STX8: variants seen among roughly 807,000 people sequenced by gnomAD.
STX8 encodes the protein syntaxin 8.
A neutral mutation model predicts 37.5 loss-of-function variants in STX8; 23 were observed. The observed-to-expected ratio is 0.61, with a 90% CI of 0.44 to 0.87. The LOEUF (loss-of-function observed/expected upper bound fraction) is 0.87, where lower values mean the gene tolerates loss of function less well. Ranked by LOEUF, STX8 falls within the 40% of genes least tolerant of loss-of-function variation. The pLI is 0.00. For synonymous variants in STX8, 115 were observed against 99.1 expected (o/e 1.16, Z -0.95); for missense variants, 313 against 284.7 (o/e 1.10, Z -0.71).
intron 7 of STX8, among the ~76,000 whole-genome samples, chr17:9,274,337 C>T (rs560326966): frequency 7.2e-5 from 11 of 152,198 alleles, no homozygotes; most frequent in African/African-American, 2.6e-4. Flanking sequence ...CTTCAAAAAA[C>T]CCAAATTCAC....
intron 6 of STX8, among the ~76,000 whole-genome samples, chr17:9,406,852 G>A (rs925732441): frequency 5.9e-5 from 9 of 151,990 alleles, no homozygotes; most frequent in Admixed American, 1.3e-4. Context: ...CATAGCTCCC[G>A]GGTCAAGTGT....
chr17:9,457,535 C>T (rs1905216601), intron 6 of STX8, among the ~76,000 whole-genome samples: 1 of 152,240 alleles, frequency 6.6e-6, no homozygotes, highest in African/African-American at 2.4e-5. Context: ...CCTTCCTTAG[C>T]ACATCTGCAA....
intron 3 of STX8, among the ~76,000 whole-genome samples, chr17:9,546,601 T>TTG (rs1453481411): frequency 5.0e-4 from 64 of 128,296 alleles, no homozygotes; most frequent in African/African-American, 1.8e-3. Flanking sequence ...GTTTTTTTTT[T>TTG]TTTTTTTTTT....
intron 7 of STX8, among the ~76,000 whole-genome samples, chr17:9,324,073 G>T (rs1360411965): frequency 6.7e-6 from 1 of 148,810 alleles, no homozygotes; most frequent in African/African-American, 2.5e-5. Flanking sequence ...CTTGCTCAAG[G>T]TCTCAGGGCA....
intron 6 of STX8, chr17:9,437,838 C>A (rs1006911819): frequency 6.6e-6 from 1 of 152,162 alleles, no homozygotes; most frequent in African/African-American, 2.4e-5. Context: ...CCTCTGTTTG[C>A]GGCCATTGCA....
intron 7 of STX8, among the ~76,000 whole-genome samples, chr17:9,375,421 C>T (rs900860095): frequency 4.6e-5 from 7 of 152,158 alleles, no homozygotes; most frequent in African/African-American, 1.4e-4. Context: ...AAATATTCCA[C>T]ATTCATTATG....
chr17:9,257,699 A>G (rs1906852027), intron 7 of STX8, among the ~76,000 whole-genome samples: 2 of 152,216 alleles, frequency 1.3e-5, no homozygotes, highest in Non-Finnish European at 2.9e-5. Flanking sequence ...ACCAAAACAC[A>G]TATTCTGGCC....
chr17:9,388,392 G>A (rs1912089753), intron 6 of STX8, among the ~76,000 whole-genome samples: 1 of 151,566 alleles, frequency 6.6e-6, no homozygotes, highest in South Asian at 2.1e-4. Context: ...TACTTTTTAA[G>A]TTATAAAAAT....
rs553564542 is a variant in STX8, at chr17:9,394,883, C to A, written c.542-16230G>T. On this transcript the variant is annotated intron_variant, in intron 6 of 7. Transcript: ENST00000306357. ...GAGTTTGAGACCAGCCTGGCCTGGCCTGGCCGACATGATGAAACCCCATCT... is the reference window on the plus strand; with the variant it reads ...GAGTTTGAGACCAGCCTGGCCTGGCATGGCCGACATGATGAAACCCCATCT... Among the ~76,000 whole-genome samples the A allele has an allele frequency of 2.7e-3, 403 of 151,248 alleles. 3 individuals are homozygous for A. Among genetic ancestry groups the A allele is most frequent in the African/African-American group, 9.4e-3 (387 of 41,310 alleles).
At chr17:9,430,455 T>C (rs933705676) in intron 6 of STX8, among the ~76,000 whole-genome samples, 4 of 151,580 alleles carry the variant, frequency 2.6e-5, no homozygotes, top group African/African-American at 9.7e-5. Context: ...AGATATTCCA[T>C]ATAAGTGAAA....
chr17:9,516,404 A>T (rs1191299865), intron 4 of STX8, among the ~76,000 whole-genome samples: 2 of 146,972 alleles, frequency 1.4e-5, no homozygotes, highest in Non-Finnish European at 3.0e-5. Flanking sequence ...GGCACAATTT[A>T]ATACTAATAT....
At chr17:9,458,931 G>A (rs1460058495) in intron 6 of STX8, among the ~76,000 whole-genome samples, 3 of 150,466 alleles carry the variant, frequency 2.0e-5, no homozygotes, top group Non-Finnish European at 4.4e-5. Context: ...CCGGGTTCAC[G>A]CCATTCTCCT....
chr17:9,368,240 C>T (rs1335924539), intron 7 of STX8, among the ~76,000 whole-genome samples: 1 of 152,086 alleles, frequency 6.6e-6, no homozygotes, highest in Non-Finnish European at 1.5e-5. Context: ...CATGGTGGCT[C>T]ACGCCTGTAA....
intron 6 of STX8, among the ~76,000 whole-genome samples, chr17:9,387,844 C>T (rs923830946): frequency 6.6e-5 from 10 of 152,078 alleles, no homozygotes; most frequent in Admixed American, 5.9e-4. Flanking sequence ...TACAGTATGT[C>T]GGATGTTATA....
intron 4 of STX8, among the ~76,000 whole-genome samples, chr17:9,517,518 G>A (rs1398860329): frequency 2.0e-5 from 3 of 152,134 alleles, no homozygotes; most frequent in African/African-American, 7.2e-5. Context: ...AGTCAGCACA[G>A]GTATTACTGA....
At chr17:9,262,742 C>T (rs535743251) in intron 7 of STX8, among the ~76,000 whole-genome samples, 53 of 152,046 alleles carry the variant, frequency 3.5e-4, no homozygotes, top group Middle Eastern at 3.4e-3. Flanking sequence ...CCAACATGCC[C>T]GGCTAATTTT....
At chr17:9,263,792 G>A (rs530232787) in intron 7 of STX8, among the ~76,000 whole-genome samples, 12 of 152,238 alleles carry the variant, frequency 7.9e-5, no homozygotes, top group Admixed American at 3.9e-4. Flanking sequence ...TGATAGTCTC[G>A]CTAATTGTAT....
At chr17:9,553,428 T>C (rs1263081867) in intron 3 of STX8, 1 of 152,202 alleles carries the variant, frequency 6.6e-6, no homozygotes, top group East Asian at 1.9e-4. Flanking sequence ...TAGAAAGCAT[T>C]TGCACAGGAC....
At chr17:9,262,258 C>T (rs1053043966) in intron 7 of STX8, among the ~76,000 whole-genome samples, 4 of 152,178 alleles carry the variant, frequency 2.6e-5, no homozygotes, top group Non-Finnish European at 4.4e-5. Context: ...GCCCAGTAGC[C>T]GTGTCTGTTC....
Sources: gnomAD v4.1 joint callset for allele counts (sites outside exome capture counted in the v4.1 genomes callset) on GRCh38, gnomAD v4.1.1 for gene constraint, MANE v1.5 for transcripts, NCBI Gene and HGNC (gene_info 2026-07-23, HGNC 2026-07-21) for gene names.